Variants in FILIP1L observed in about 807,000 individuals in gnomAD.
The protein encoded by FILIP1L is filamin A interacting protein 1 like.
In FILIP1L, 55 loss-of-function variants were observed where a neutral mutation model predicts 96.6. The observed-to-expected ratio is 0.57, with a 90% confidence interval of 0.46 to 0.71. The LOEUF is 0.71. Among genes scored for constraint, FILIP1L ranks in the 30% least tolerant of loss-of-function variants. The pLI, the probability that FILIP1L is intolerant of heterozygous loss-of-function variation, is 0.00. For missense variants in FILIP1L, 1,304 were observed against 1,321.2 expected (o/e 0.99, Z 0.20); for synonymous variants, 467 against 473.9 (o/e 0.99, Z 0.19).
At chr3:99,972,491 TATA>T (rs560895456) in intron 1 of FILIP1L, among the ~76,000 whole-genome samples, 50 of 152,184 alleles carry the variant, frequency 3.3e-4, no homozygotes, top group Non-Finnish European at 4.7e-4. Context: ...CATTAGTTAT[TATA>T]ATAATAACAG....
Position 100,013,260 on chromosome 3 carries a change from T to TG in FILIP1L, c.-10-82231_-10-82230insC, listed in dbSNP as rs59918100. Among the ~76,000 whole-genome samples, 106 of 150,626 alleles carry TG rather than the reference T, an allele frequency of 7.0e-4. 3 individuals carry two copies. The East Asian group carries it at 0.02, about 29-fold the overall frequency. On this transcript the variant is annotated intron_variant, in intron 1 of 5. Transcript: ENST00000477258. ...TTGTTGTTGTTGTTGTTGTTGTTGT[T>TG]TGAGATGGAGTCTTGCTCTGTCACC...
intron 1 of FILIP1L, among the ~76,000 whole-genome samples, chr3:100,113,421 G>C (rs531351308): frequency 6.6e-6 from 1 of 152,282 alleles, no homozygotes; most frequent in East Asian, 1.9e-4. Context: ...GTTCTTGATA[G>C]GTATCTCCCA....
intron 4 of FILIP1L, among the ~76,000 whole-genome samples, chr3:99,901,962 TAAACA>T (rs1195293330): frequency 6.6e-6 from 1 of 152,156 alleles, no homozygotes; most frequent in Non-Finnish European, 1.5e-5. Context: ...ATGATGCCAA[TAAACA>T]AAACAAAACA....
intron 1 of FILIP1L, among the ~76,000 whole-genome samples, chr3:100,029,985 G>GA (rs2064996505): frequency 1.3e-5 from 2 of 152,172 alleles, no homozygotes; most frequent in African/African-American, 4.8e-5. Flanking sequence ...CTTCACAGCT[G>GA]TTTGTAACTT....
intron 4 of FILIP1L, among the ~76,000 whole-genome samples, chr3:99,868,082 G>T (rs1458608399): frequency 6.6e-6 from 1 of 152,130 alleles, no homozygotes; most frequent in East Asian, 1.9e-4. Flanking sequence ...TTTTTTGTGG[G>T]TGCATGGTAA....
At chr3:99,949,244 A>G (rs945630597) in intron 1 of FILIP1L, among the ~76,000 whole-genome samples, 2 of 152,238 alleles carry the variant, frequency 1.3e-5, no homozygotes, top group African/African-American at 2.4e-5. Context: ...GGCTAGGCCT[A>G]CAAAAAAACT....
At chr3:99,836,021 A>G (rs1377173693) in intron 5 of FILIP1L, among the ~76,000 whole-genome samples, 2 of 152,164 alleles carry the variant, frequency 1.3e-5, no homozygotes, top group Admixed American at 6.5e-5. Flanking sequence ...TCAAAGGGAG[A>G]TGAAACGAAA....
intron 3 of FILIP1L, 123 bp downstream of exon 3, chr3:99,929,733 G>A (rs903007093): frequency 6.3e-6 from 4 of 633,538 alleles, no homozygotes; most frequent in Non-Finnish European, 1.0e-5. Flanking sequence ...TCTGTTTTGT[G>A]TAGGCTTTAA....
In FILIP1L at chr3:99,956,969, A is replaced by C. The variant is rs376965343; in HGVS notation, c.-10-25939T>G. 2.6e-5 allele frequency among the ~76,000 whole-genome samples: 4 copies of C among 152,300 alleles called. No individual in the cohort carries two copies. In the East Asian group the frequency reaches 5.8e-4, roughly 22 times the overall value. ...AACCTCTTCTTAAAGAGGTCTTCCT[A>C]CCTATTTCTGTCCAGGGCTCTAGCT... On this transcript the variant is annotated intron_variant, in intron 1 of 5. Transcript: ENST00000477258.
At chr3:100,111,588 G>A (rs2066491947) in intron 1 of FILIP1L, among the ~76,000 whole-genome samples, 1 of 152,146 alleles carries the variant, frequency 6.6e-6, no homozygotes, top group Non-Finnish European at 1.5e-5. Context: ...AAGCACAGTA[G>A]GGCTGCTCTT....
At chr3:100,026,700 A>G (rs1193471680) in intron 1 of FILIP1L, among the ~76,000 whole-genome samples, 1 of 152,180 alleles carries the variant, frequency 6.6e-6, no homozygotes, top group Non-Finnish European at 1.5e-5. Flanking sequence ...AAATATATTC[A>G]GAATCTGATC....
chr3:100,063,915 A>G (rs1331913353), intron 1 of FILIP1L, among the ~76,000 whole-genome samples: 1 of 152,190 alleles, frequency 6.6e-6, no homozygotes, highest in Non-Finnish European at 1.5e-5. Flanking sequence ...AAATCTCTCC[A>G]CATGTTTACC....
At chr3:99,917,965 G>T (rs1268840723) in intron 4 of FILIP1L, among the ~76,000 whole-genome samples, 1 of 151,808 alleles carries the variant, frequency 6.6e-6, no homozygotes, top group African/African-American at 2.4e-5. Context: ...TTGTTTGTTT[G>T]TTTTTTGTTT....
At chr3:99,836,813 A>G (rs1000276291) in intron 5 of FILIP1L, among the ~76,000 whole-genome samples, 2 of 152,240 alleles carry the variant, frequency 1.3e-5, no homozygotes, top group Non-Finnish European at 1.5e-5. Flanking sequence ...CCTCTCTTCC[A>G]GTAACCTGGC....
rs377111640 is a variant in FILIP1L, at chr3:99,850,256, C to A, written c.1420G>T (p.Ala474Ser). The A allele has an allele frequency of 5.0e-6, 8 of 1,613,722 alleles. No individual in the cohort carries two copies. The African/African-American group carries it at 1.1e-4, about 22-fold the overall frequency. ...SLKVRIKELEAIESRLEKTEF... is the reference protein window; with the variant it reads ...SLKVRIKELESIESRLEKTEF... Reference sequence around the variant, plus strand: ...GTCTTTTCTAGCCGACTTTCAATGGCTTCTAGCTCTTTGATCCTTACTTTT... The same window carrying A: ...GTCTTTTCTAGCCGACTTTCAATGGATTCTAGCTCTTTGATCCTTACTTTT... Residue 474 changes from alanine to serine, a missense_variant, in exon 5 of 6, where the codon GCC becomes TCC. Transcript: ENST00000477258.
chr3:99,876,310 A>G (rs1705518116), intron 4 of FILIP1L: 1 of 587,342 alleles, frequency 1.7e-6, no homozygotes, highest in Non-Finnish European at 2.1e-6. Flanking sequence ...GCGCAGCCAC[A>G]CACCCCAGCT....
At chr3:100,076,122 A>T (rs968708223) in intron 1 of FILIP1L, among the ~76,000 whole-genome samples, 1 of 152,228 alleles carries the variant, frequency 6.6e-6, no homozygotes, top group Admixed American at 6.5e-5. Context: ...TGTATAATTA[A>T]GAAATATATT....
chr3:99,934,838 G>A (rs1203923114), intron 1 of FILIP1L, among the ~76,000 whole-genome samples: 1 of 152,214 alleles, frequency 6.6e-6, no homozygotes, highest in Admixed American at 6.5e-5. Context: ...TTTTTATACT[G>A]TGTTTGTTAT....
At chr3:99,927,916 C>T (rs926322276) in intron 3 of FILIP1L, among the ~76,000 whole-genome samples, 1 of 152,110 alleles carries the variant, frequency 6.6e-6, no homozygotes, top group Non-Finnish European at 1.5e-5. Context: ...CCTGTCGTGT[C>T]ATGTAACCGA....
Sources: allele counts gnomAD v4.1 joint callset (sites outside exome capture counted in the v4.1 genomes callset), GRCh38; gene constraint gnomAD v4.1.1; transcripts MANE v1.5; gene names NCBI Gene and HGNC (gene_info 2026-07-23, HGNC 2026-07-21).